The following PTPRD variants were observed in gnomAD, a reference collection of about 807,000 sequenced individuals.
PTPRD encodes the protein protein tyrosine phosphatase receptor type D.
Under a neutral mutation model 214.5 loss-of-function variants are expected in PTPRD, and 34 were observed. The observed-to-expected ratio is 0.16, with a 90% CI of 0.12 to 0.21. The LOEUF (loss-of-function observed/expected upper bound fraction) is 0.21, where lower values mean the gene tolerates loss of function less well. Among genes scored for constraint, PTPRD ranks in the 10% least tolerant of loss-of-function variants. The pLI, the probability that PTPRD is intolerant of heterozygous loss-of-function variation, is 1.00. For missense variants in PTPRD, 2,545 were observed against 2,398.7 expected (o/e 1.06, Z -1.27); for synonymous variants, 1,128 against 845.7 (o/e 1.33, Z -5.79).
At chr9:10,503,239 G>C (rs1200141526) in intron 2 of PTPRD, among the ~76,000 whole-genome samples, 1 of 109,666 alleles carries the variant, frequency 9.1e-6, no homozygotes, top group Non-Finnish European at 2.0e-5. Context: ...TCCCAGAAAA[G>C]TTTGGAAAAT....
At chr9:10,563,239 T>C (rs541309636) in intron 2 of PTPRD, among the ~76,000 whole-genome samples, 1 of 152,282 alleles carries the variant, frequency 6.6e-6, no homozygotes, top group South Asian at 2.1e-4. Context: ...TTCCTTATGA[T>C]TTGTTAAAAT....
chr9:10,467,353 G>A (rs543597450), intron 2 of PTPRD, among the ~76,000 whole-genome samples: 1 of 152,288 alleles, frequency 6.6e-6, no homozygotes, highest in Non-Finnish European at 1.5e-5. Flanking sequence ...CAGCAATTAA[G>A]TTGTTTTCCT....
At chr9:9,786,945 G>A (rs2098929019) in intron 5 of PTPRD, among the ~76,000 whole-genome samples, 1 of 151,994 alleles carries the variant, frequency 6.6e-6, no homozygotes. Flanking sequence ...AGACCAGCCT[G>A]GCCAAAAGGG....
intron 11 of PTPRD, among the ~76,000 whole-genome samples, chr9:8,903,152 T>C (rs1225432221): frequency 2.0e-5 from 3 of 152,136 alleles, no homozygotes; most frequent in Non-Finnish European, 4.4e-5. Flanking sequence ...TATTCTTTTT[T>C]TTTTTAATTC....
At chr9:10,227,980 G>C (rs1013600725) in intron 3 of PTPRD, among the ~76,000 whole-genome samples, 7 of 151,876 alleles carry the variant, frequency 4.6e-5, no homozygotes, top group Admixed American at 3.9e-4. Context: ...AATTTTTCTT[G>C]TTAATATAAC....
At chr9:10,118,875 TAAA>T (rs2098752233) in intron 3 of PTPRD, among the ~76,000 whole-genome samples, 2 of 145,464 alleles carry the variant, frequency 1.4e-5, no homozygotes, top group Non-Finnish European at 3.0e-5. Context: ...CAAAAATAAA[TAAA>T]TAAATAAATA....
intron 14 of PTPRD, among the ~76,000 whole-genome samples, chr9:8,542,201 G>C (rs1049453044): frequency 6.6e-6 from 1 of 152,172 alleles, no homozygotes; most frequent in Non-Finnish European, 1.5e-5. Context: ...CAAGTGTGTG[G>C]GCACTTCGGT....
chr9:8,743,942 GA>G (rs547329700), intron 11 of PTPRD, among the ~76,000 whole-genome samples: 274 of 146,932 alleles, frequency 1.9e-3, no homozygotes, highest in Middle Eastern at 3.4e-3. Flanking sequence ...AAATCAGCAA[GA>G]AAAAAAAAAT....
chr9:8,493,942 C>T (rs750466457), intron 26 of PTPRD, among the ~76,000 whole-genome samples: 1 of 151,686 alleles, frequency 6.6e-6, no homozygotes, highest in African/African-American at 2.4e-5. Context: ...AATACCAGAG[C>T]TGCATGTACA....
chr9:10,483,193 C>A (rs148944615), intron 2 of PTPRD, among the ~76,000 whole-genome samples: 1 of 152,228 alleles, frequency 6.6e-6, no homozygotes, highest in East Asian at 1.9e-4. Flanking sequence ...AAAGGACATT[C>A]TATTCCATAT....
At chr9:9,544,232 A>T (rs1025275166) in intron 8 of PTPRD, among the ~76,000 whole-genome samples, 13 of 151,678 alleles carry the variant, frequency 8.6e-5, no homozygotes, top group African/African-American at 3.1e-4. Context: ...GTACTATAAG[A>T]ACCAAATGTG....
At chr9:9,825,952 G>A (rs1048181419) in intron 5 of PTPRD, among the ~76,000 whole-genome samples, 1 of 151,216 alleles carries the variant, frequency 6.6e-6, no homozygotes, top group Non-Finnish European at 1.5e-5. Context: ...AATAATTCCA[G>A]GTTGATATCC....
chr9:8,804,695 A>G (rs2096640739), intron 11 of PTPRD, among the ~76,000 whole-genome samples: 1 of 150,002 alleles, frequency 6.7e-6, no homozygotes, highest in African/African-American at 2.5e-5. Context: ...TTTCTTACTC[A>G]GAATACTCTA....
At chr9:8,423,504 T>C (rs577281300) in intron 35 of PTPRD, among the ~76,000 whole-genome samples, 3 of 152,276 alleles carry the variant, frequency 2.0e-5, no homozygotes, top group South Asian at 4.1e-4. Flanking sequence ...TATGAAAAGG[T>C]GTTTTTAGAA....
chr9:9,311,622 TC>T (rs1344280751), intron 9 of PTPRD, among the ~76,000 whole-genome samples: 1 of 152,186 alleles, frequency 6.6e-6, no homozygotes, highest in African/African-American at 2.4e-5. Flanking sequence ...CATGTGATTT[TC>T]TAAACCTACC....
At chr9:8,328,651 C>G (rs571819461) in intron 44 of PTPRD, among the ~76,000 whole-genome samples, 1 of 151,940 alleles carries the variant, frequency 6.6e-6, no homozygotes, top group Non-Finnish European at 1.5e-5. Flanking sequence ...TTCTCCCCTT[C>G]ACTTTCAGGT....
At chr9:8,365,610 C>A (rs1186119565) in intron 39 of PTPRD, among the ~76,000 whole-genome samples, 1 of 152,114 alleles carries the variant, frequency 6.6e-6, no homozygotes, top group East Asian at 1.9e-4. Context: ...AGCAATGTGG[C>A]ACTCAGAGGT....
intron 3 of PTPRD, among the ~76,000 whole-genome samples, chr9:10,207,263 T>G (rs76921929): frequency 3.1e-5 from 2 of 63,632 alleles, no homozygotes; most frequent in Non-Finnish European, 5.9e-5. Flanking sequence ...AGATAATGCA[T>G]TTTTTTGTCT....
chr9:9,225,604 T>C (rs942756586), intron 9 of PTPRD, among the ~76,000 whole-genome samples: 1 of 152,078 alleles, frequency 6.6e-6, no homozygotes, highest in Non-Finnish European at 1.5e-5. Context: ...CAAAGCCCTA[T>C]TGAGACATCA....
Sources: gnomAD v4.1 joint callset for allele counts (sites outside exome capture counted in the v4.1 genomes callset) on GRCh38, gnomAD v4.1.1 for gene constraint, MANE v1.5 for transcripts, NCBI Gene and HGNC (gene_info 2026-07-23, HGNC 2026-07-21) for gene names.